Variants in PAH observed in about 807,000 individuals in gnomAD.
PAH encodes phenylalanine-4-hydroxylase.
Under a neutral mutation model 62.0 loss-of-function variants are expected in PAH, and 64 were observed. That is an observed-to-expected ratio of 1.03 (90% CI 0.84 to 1.27). The LOEUF (loss-of-function observed/expected upper bound fraction) is 1.27, where lower values mean the gene tolerates loss of function less well. Ranked by LOEUF, PAH falls within the 50% of genes most tolerant of loss-of-function variation. The pLI, the probability that PAH is intolerant of heterozygous loss-of-function variation, is 0.00. For synonymous variants in PAH, 195 were observed against 196.2 expected, an observed-to-expected ratio of 0.99 and a Z score of 0.05; for missense variants, 579 against 542.8, an observed-to-expected ratio of 1.07 and a Z score of -0.66.
In PAH at chr12:102,917,145, A is replaced by G. The variant is rs1463687991; in HGVS notation, c.-15T>C. 6.2e-7 allele frequency: 1 copy of G among 1,613,874 alleles called. No homozygotes were observed. The highest frequency in any genetic ancestry group is 2.2e-5 in the East Asian group (1 of 44,868). ...GCAGTGGACATGCTGGCTCCCCGGGAGTGAGGTCTCTGGCTTTTTAGGGCC... is the reference window on the plus strand; with the variant it reads ...GCAGTGGACATGCTGGCTCCCCGGGGGTGAGGTCTCTGGCTTTTTAGGGCC... On this transcript the variant is annotated 5_prime_UTR_variant, in exon 1 of 13. Coordinates refer to ENST00000553106, the MANE Select transcript of PAH (RefSeq NM_000277.3).
At chr12:102,843,579 C>T in intron 11 of PAH, 67 bp downstream of exon 11, 1 of 1,573,242 alleles carries the variant, frequency 6.4e-7, no homozygotes. Flanking sequence ...TGGCCAACCA[C>T]CCACAGATGA....
intron 3 of PAH, among the ~76,000 whole-genome samples, chr12:102,893,465 T>C (rs181548169): frequency 6.6e-6 from 1 of 152,322 alleles, no homozygotes; most frequent in East Asian, 1.9e-4. Context: ...CATTTGAATA[T>C]GCTTGAGGCC....
chr12:102,939,933 A>G (rs1197198277), intron 1 of PAH, among the ~76,000 whole-genome samples: 1 of 152,160 alleles, frequency 6.6e-6, no homozygotes, highest in African/African-American at 2.4e-5. Context: ...AGAGGAGCCT[A>G]CACTGTCAGA....
At chr12:102,932,945 T>C (rs1878939769) in intron 1 of PAH, among the ~76,000 whole-genome samples, 1 of 152,248 alleles carries the variant, frequency 6.6e-6, no homozygotes, top group African/African-American at 2.4e-5. Flanking sequence ...TAGGGTATCC[T>C]GTACCTCAAG....
intron 1 of PAH, among the ~76,000 whole-genome samples, chr12:102,956,322 C>A (rs1024850881): frequency 6.6e-6 from 1 of 152,250 alleles, no homozygotes; most frequent in Non-Finnish European, 1.5e-5. Context: ...CGCAGCGCCG[C>A]GTCCCCAGAC....
At chr12:102,846,996 A>G (rs1331950419) in intron 8 of PAH, 45 bp from the exon 9 acceptor site, 1 of 1,521,038 alleles carries the variant, frequency 6.6e-7, no homozygotes, top group Non-Finnish European at 9.1e-7. Context: ...CTGTAATTGG[A>G]ACCACAGAAC....
At chr12:102,934,788 A>G (rs71466247) in intron 1 of PAH, among the ~76,000 whole-genome samples, 23,596 of 152,082 alleles carry the variant, frequency 0.16, 1,921 homozygotes, top group African/African-American at 0.18. Context: ...ACTTCACTGA[A>G]TTTGTTTAGC....
intron 3 of PAH, among the ~76,000 whole-genome samples, chr12:102,878,561 G>A (rs554502409): frequency 1.8e-4 from 28 of 152,042 alleles, no homozygotes; most frequent in African/African-American, 3.1e-4. Flanking sequence ...ATTTTGGACC[G>A]TAAGTTTCAT....
chr12:102,894,586 T>C (rs993834620), intron 3 of PAH, 149 bp downstream of exon 3: 8 of 650,572 alleles, frequency 1.2e-5, no homozygotes, highest in Non-Finnish European at 1.8e-5. Context: ...TTATTTCCAA[T>C]ACATATATAT....
intron 2 of PAH, among the ~76,000 whole-genome samples, chr12:102,901,073 T>C (rs986923094): frequency 6.6e-6 from 1 of 152,230 alleles, no homozygotes; most frequent in African/African-American, 2.4e-5. Context: ...CACTTTCTTC[T>C]CCTATCCTTT....
chr12:102,935,855 G>C (rs532726356), intron 1 of PAH, among the ~76,000 whole-genome samples: 1 of 151,416 alleles, frequency 6.6e-6, no homozygotes. Flanking sequence ...TTGTTATGTT[G>C]ATCTGTTGTA....
chr12:102,839,366 A>G, intron 12 of PAH, 148 bp from the exon 13 acceptor site: 1 of 736,808 alleles, frequency 1.4e-6, no homozygotes, highest in South Asian at 1.5e-5. Context: ...CAGCCTCATT[A>G]TGGTATAAGT....
chr12:102,891,091 G>A (rs1877258217), intron 3 of PAH, among the ~76,000 whole-genome samples: 1 of 152,024 alleles, frequency 6.6e-6, no homozygotes, highest in Non-Finnish European at 1.5e-5. Context: ...CTCAAAAAAA[G>A]GAAAACATTA....
In PAH at chr12:102,840,493, G is replaced by A. The variant is rs5030858; in HGVS notation, c.1222C>T (p.Arg408Trp). The stretch of plus-strand genomic sequence containing the variant: ...GGGTCGTAGCGAACTGAGAAGGGCC[G>A]AGGTATTGTGGCAGCAAAGTTCCTA... ...KVRNFAATIPRPFSVRYDPYT... is the reference protein window; with the variant it reads ...KVRNFAATIPWPFSVRYDPYT... Residue 408 changes from arginine to tryptophan, a missense_variant, in exon 12 of 13, where the codon CGG becomes TGG. Coordinates refer to ENST00000553106, the MANE Select transcript of PAH (RefSeq NM_000277.3). 2,136 of 1,613,656 alleles carry A rather than the reference G, an allele frequency of 1.3e-3. No individual in the cohort carries two copies. Among genetic ancestry groups the A allele is most frequent in the Non-Finnish European group, 1.7e-3 (1,960 of 1,179,634 alleles).
intron 1 of PAH, among the ~76,000 whole-genome samples, chr12:102,926,087 A>C (rs2201894): frequency 0.032 from 4,798 of 152,166 alleles, 263 homozygotes; most frequent in African/African-American, 0.11. Context: ...AGGAGAGTCT[A>C]CTCAAAGTAA....
chr12:102,875,869 TG>T (rs1490562900), intron 4 of PAH, among the ~76,000 whole-genome samples: 3 of 151,742 alleles, frequency 2.0e-5, no homozygotes, highest in Non-Finnish European at 4.4e-5. Context: ...GTTAGTAAGT[TG>T]TGACAGTTAA....
chr12:102,859,422 T>G (rs1050634223), intron 5 of PAH, among the ~76,000 whole-genome samples: 4 of 152,226 alleles, frequency 2.6e-5, no homozygotes, highest in Non-Finnish European at 5.9e-5. Context: ...CCATTCCTTC[T>G]GAAACTATTC....
chr12:102,851,904 G>C, intron 7 of PAH, 148 bp from the exon 8 acceptor site: 1 of 665,686 alleles, frequency 1.5e-6, no homozygotes, highest in South Asian at 1.7e-5. Flanking sequence ...GATATGCAGA[G>C]GTTGGGATCA....
At chr12:102,860,329 A>G (rs1875659552) in intron 5 of PAH, among the ~76,000 whole-genome samples, 1 of 152,256 alleles carries the variant, frequency 6.6e-6, no homozygotes, top group Non-Finnish European at 1.5e-5. Context: ...TCAAAGAAAT[A>G]AAAGAGAACA....
Sources: gnomAD v4.1 joint callset for allele counts (sites outside exome capture counted in the v4.1 genomes callset) on GRCh38, gnomAD v4.1.1 for gene constraint, MANE v1.5 for transcripts, NCBI Gene and HGNC (gene_info 2026-07-23, HGNC 2026-07-21) for gene names.